Variants in USP8 observed in about 807,000 individuals in gnomAD.
USP8 encodes the protein ubiquitin carboxyl-terminal hydrolase 8.
A neutral mutation model predicts 130.0 loss-of-function variants in USP8; 27 were observed. The ratio of observed to expected loss-of-function variants is 0.21; its 90% CI spans 0.15 to 0.29. The LOEUF (loss-of-function observed/expected upper bound fraction) is 0.29. Among genes scored for constraint, USP8 ranks in the 10% least tolerant of loss-of-function variants. USP8 has a pLI of 1.00. For missense variants in USP8, 1,029 were observed against 1,312.2 expected (o/e 0.78, Z 3.33); for synonymous variants, 392 against 444.1 (o/e 0.88, Z 1.48).
chr15:50,506,384 G>A lies in USP8; in HGVS notation c.*7296G>A, dbSNP rs2052658826. On this transcript the variant is annotated 3_prime_UTR_variant, in exon 20 of 20. Coordinates refer to ENST00000307179, the MANE Select transcript of USP8 (RefSeq NM_005154.5). The stretch of plus-strand genomic sequence containing the variant: ...TGCGCATGTGAGGGATCTAGGTTGC[G>A]TGCTCCTTATGAGAATCTACTGCCT... 6.6e-6 allele frequency: 1 copy of A among 152,116 alleles called. No homozygotes were observed. The highest frequency in any genetic ancestry group is 2.4e-5 in the African/African-American group (1 of 41,412). 9.4% of individuals were successfully genotyped at this position (152,116 alleles called of 1,614,324 possible).
rs866197793 is a variant in USP8 at position 50,441,242 on chromosome 15, C to T, written c.105-107C>T. The stretch of plus-strand genomic sequence containing the variant: ...CGTGAACCAGTACCAATCTGTGGCC[C>T]TGGGGTTGGGGATCCCTGATAAAGA... On this transcript the variant is annotated intron_variant, in intron 2 of 19. Coordinates refer to ENST00000307179, the MANE Select transcript of USP8 (RefSeq NM_005154.5). The T allele has an allele frequency of 3.0e-5, 33 of 1,113,198 alleles. No homozygotes were observed. The African/African-American group carries it at 4.2e-4, about 14-fold the overall frequency. The allele number at this position is 1,113,198 out of a possible 1,614,324, so 69.0% of individuals were successfully genotyped here. A position where few individuals can be genotyped will look rare whatever the true frequency, so the allele number is the denominator to read the frequency against.
At chr15:50,492,157 C>T (rs1208254179) in intron 14 of USP8, among the ~76,000 whole-genome samples, 1 of 152,152 alleles carries the variant, frequency 6.6e-6, no homozygotes, top group African/African-American at 2.4e-5. Context: ...TTGAGCCCAG[C>T]TGGAACTGTA....
intron 7 of USP8, chr15:50,467,004 A>G (rs1324409761): frequency 5.8e-6 from 3 of 519,384 alleles, no homozygotes; most frequent in African/African-American, 3.8e-5. Context: ...CAAACAACTC[A>G]TTGACTTGCA....
At chr15:50,462,168 C>A in intron 5 of USP8, 112 bp from the exon 6 acceptor site, 2 of 858,396 alleles carry the variant, frequency 2.3e-6, no homozygotes, top group Non-Finnish European at 3.7e-6. Flanking sequence ...AAGGCCAGTA[C>A]TCTGCACAGT....
At chr15:50,470,689 G>A (rs2051345601) in intron 7 of USP8, among the ~76,000 whole-genome samples, 1 of 148,680 alleles carries the variant, frequency 6.7e-6, no homozygotes, top group Non-Finnish European at 1.5e-5. Flanking sequence ...TGCAGCCTCC[G>A]CCTCCCAGGT....
intron 4 of USP8, chr15:50,458,375 T>C (rs2050863888): frequency 6.5e-6 from 1 of 152,774 alleles, no homozygotes; most frequent in South Asian, 2.1e-4. Context: ...GGTCTCGAAC[T>C]CCTGACCTCA....
intron 1 of USP8, among the ~76,000 whole-genome samples, chr15:50,426,648 G>A (rs548284041): frequency 6.6e-6 from 1 of 152,280 alleles, no homozygotes; most frequent in African/African-American, 2.4e-5. Flanking sequence ...GCCTCTTCAC[G>A]TGACTTGAAC....
At chr15:50,465,241 G>A in intron 7 of USP8, 50 bp downstream of exon 7, 1 of 1,542,416 alleles carries the variant, frequency 6.5e-7, no homozygotes, top group Non-Finnish European at 8.7e-7. Flanking sequence ...GTAGTAAACT[G>A]TGGACCTTAG....
chr15:50,465,407 AAAG>A (rs1016441845), intron 7 of USP8, among the ~76,000 whole-genome samples: 18 of 152,124 alleles, frequency 1.2e-4, no homozygotes, highest in African/African-American at 4.1e-4. Flanking sequence ...AAAGAAAGAG[AAAG>A]AAGAACTGCT....
chr15:50,461,834 G>A (rs1166964761), intron 5 of USP8, among the ~76,000 whole-genome samples: 7 of 149,484 alleles, frequency 4.7e-5, no homozygotes, highest in African/African-American at 1.5e-4. Flanking sequence ...GCCTGGCCAC[G>A]GAGCAAGACT....
At chr15:50,451,649 C>T (rs1036192440) in intron 4 of USP8, among the ~76,000 whole-genome samples, 1 of 152,138 alleles carries the variant, frequency 6.6e-6, no homozygotes, top group Non-Finnish European at 1.5e-5. Flanking sequence ...GTTTTTCTCC[C>T]TGTCTGTCCT....
intron 2 of USP8, 35 bp downstream of exon 2, chr15:50,439,212 A>G: frequency 7.7e-7 from 1 of 1,300,538 alleles, no homozygotes; most frequent in African/African-American, 1.5e-5. Flanking sequence ...GATTGAATCA[A>G]ATATTAATTT....
intron 1 of USP8, among the ~76,000 whole-genome samples, chr15:50,438,499 T>G (rs1252249646): frequency 6.6e-6 from 1 of 152,182 alleles, no homozygotes; most frequent in Admixed American, 6.6e-5. Flanking sequence ...GTAGGAGGAT[T>G]GCTTGAGCTC....
rs2141350481 is a variant in USP8 at position 50,509,864 on chromosome 15, T to A, written c.*10776T>A. ...GAGAAATACATGGCTCACACCTATA[T>A]TTTTTACAGAAATTGACAAGGGCCA... On this transcript the variant is annotated 3_prime_UTR_variant, in exon 20 of 20. Coordinates refer to ENST00000307179, the MANE Select transcript of USP8 (RefSeq NM_005154.5). 6.6e-6 allele frequency: 1 copy of A among 152,182 alleles called. No individual in the cohort carries two copies. The highest frequency in any genetic ancestry group is 6.5e-5 in the Admixed American group (1 of 15,272). The allele number at this position is 152,182 out of a possible 1,614,324, so 9.4% of individuals were successfully genotyped here.
In USP8 at chr15:50,509,533, A is replaced by G. The variant is rs1477377547; in HGVS notation, c.*10445A>G. 1.3e-5 allele frequency: 2 copies of G among 151,608 alleles called. No individual in the cohort carries two copies. The highest frequency in any genetic ancestry group is 2.9e-5 in the Non-Finnish European group (2 of 68,022). The allele number at this position is 151,608 out of a possible 1,614,324, so 9.4% of individuals were successfully genotyped here. Reference sequence around the variant, plus strand: ...ATGGTGGCGGGCGCCTGTAGTCCCAAGCTACTCAGGAGGCTGAGACAGGAG... The same window carrying G: ...ATGGTGGCGGGCGCCTGTAGTCCCAGGCTACTCAGGAGGCTGAGACAGGAG... On this transcript the variant is annotated 3_prime_UTR_variant, in exon 20 of 20. Coordinates refer to ENST00000307179, the MANE Select transcript of USP8 (RefSeq NM_005154.5).
Position 50,424,501 on chromosome 15 carries a change from C to T in USP8, c.-79C>T. 2.5e-6 allele frequency: 1 copy of T among 398,716 alleles called. No homozygotes were observed. The highest frequency in any genetic ancestry group is 3.6e-5 in the East Asian group (1 of 28,084). The allele number at this position is 398,716 out of a possible 1,614,324, so 24.7% of individuals were successfully genotyped here. A position where few individuals can be genotyped will look rare whatever the true frequency, so the allele number is the denominator to read the frequency against. On this transcript the variant is annotated 5_prime_UTR_variant, in exon 1 of 20. Coordinates refer to ENST00000307179, the MANE Select transcript of USP8 (RefSeq NM_005154.5). Reference sequence around the variant, plus strand: ...CGAGAAGGCTGGCGTTAGTGAAGCGCGCCCGGCGTCACGGTGAGTGCGGGT... The same window carrying T: ...CGAGAAGGCTGGCGTTAGTGAAGCGTGCCCGGCGTCACGGTGAGTGCGGGT...
chr15:50,456,412 A>C (rs2050790678), intron 4 of USP8, among the ~76,000 whole-genome samples: 1 of 151,632 alleles, frequency 6.6e-6, no homozygotes, highest in Non-Finnish European at 1.5e-5. Flanking sequence ...TCTACTAAAA[A>C]TACAAAAATA....
At position 50,503,434 on chromosome 15, in the gene USP8, A is replaced by G. The variant is rs1027819656; in HGVS notation, c.*4346A>G. On this transcript the variant is annotated 3_prime_UTR_variant, in exon 20 of 20. Transcript: ENST00000307179. Reference sequence around the variant, plus strand: ...CTGTAACCAGTATGCTCGGGTTTTAAAGGTCACGCAAGGACACTCGAGGTA... The same window carrying G: ...CTGTAACCAGTATGCTCGGGTTTTAGAGGTCACGCAAGGACACTCGAGGTA... The G allele has an allele frequency of 1.3e-5, 2 of 152,266 alleles. No homozygotes were observed. The highest frequency in any genetic ancestry group is 2.9e-5 in the Non-Finnish European group (2 of 68,076). The allele number at this position is 152,266 out of a possible 1,614,324, so 9.4% of individuals were successfully genotyped here. A position where few individuals can be genotyped will look rare whatever the true frequency, so the allele number is the denominator to read the frequency against.
chr15:50,448,494 T>C (rs1194856192), intron 3 of USP8, among the ~76,000 whole-genome samples: 1 of 152,194 alleles, frequency 6.6e-6, no homozygotes, highest in African/African-American at 2.4e-5. Flanking sequence ...GCCAAATCTT[T>C]TACCTTTTGC....
Sources: gnomAD v4.1 joint callset for allele counts (sites outside exome capture counted in the v4.1 genomes callset) on GRCh38, gnomAD v4.1.1 for gene constraint, MANE v1.5 for transcripts, NCBI Gene and HGNC (gene_info 2026-07-23, HGNC 2026-07-21) for gene names.